Variants in RPS29 observed in about 807,000 individuals in gnomAD.
RPS29 encodes the protein ribosomal protein S29, also known as small ribosomal subunit protein uS14.
For synonymous variants in RPS29, 37 were observed against 26.9 expected, an observed-to-expected ratio of 1.37 and a Z score of -1.16; for missense variants, 60 against 75.7, an observed-to-expected ratio of 0.79 and a Z score of 0.77.
At chr14:49,589,540 T>C (rs764245770), upstream of RPS29, among the ~76,000 whole-genome samples, 2 of 152,242 alleles carry the variant, frequency 1.3e-5, no homozygotes, top group Non-Finnish European at 2.9e-5. Flanking sequence ...CCATCCAGAA[T>C]TTAATCATTT....
upstream of RPS29, among the ~76,000 whole-genome samples, chr14:49,589,458 T>C (rs759442886): frequency 3.3e-5 from 5 of 152,252 alleles, no homozygotes; most frequent in Non-Finnish European, 5.9e-5. Context: ...ATAATATGCA[T>C]GTTAGGACAC....
upstream of RPS29, among the ~76,000 whole-genome samples, chr14:49,587,177 T>A (rs1055327995): frequency 6.6e-6 from 1 of 152,112 alleles, no homozygotes; most frequent in Non-Finnish European, 1.5e-5. Flanking sequence ...CAAAAAAAAA[T>A]GAGATTCTTT....
chr14:49,580,692 T>C (rs113210296), downstream of RPS29, among the ~76,000 whole-genome samples: 91 of 151,506 alleles, frequency 6.0e-4, no homozygotes, highest in African/African-American at 2.2e-3. Context: ...GCCAACATGG[T>C]GAAACCCTGC....
rs768291783 is a variant in RPS29, at chr14:49,574,252, G to C, written c.*3560C>G. 2.6e-5 allele frequency: 4 copies of C among 152,098 alleles called. No individual in the cohort carries two copies. In the South Asian group the frequency reaches 6.2e-4, roughly 24 times the overall value. The allele number at this position is 152,098 out of a possible 1,614,324, so 9.4% of individuals were successfully genotyped here. ...GTCTACACGAGGGAGCTGTTTACAC[G>C]GTCAGCATAATTATTATTGGGTTGT... On this transcript the variant is annotated 3_prime_UTR_variant, in exon 3 of 3. Transcript: ENST00000396020.
chr14:49,598,197 G>C, intron 1 of RPS29: 2 of 556,588 alleles, frequency 3.6e-6, no homozygotes, highest in East Asian at 3.0e-5. Context: ...GGCGCCTAGA[G>C]CACAAATTTT....
exon 3 of RPS29, chr14:49,572,572 T>A (rs1329695000): frequency 1.3e-5 from 2 of 152,212 alleles, no homozygotes; most frequent in African/African-American, 2.4e-5. Flanking sequence ...AGCTTTTAAC[T>A]CAGTGGTGGA....
exon 1 of RPS29, chr14:49,598,648 C>T: frequency 1.4e-6 from 1 of 700,866 alleles, no homozygotes; most frequent in South Asian, 1.5e-5. Context: ...GCCCGCAACG[C>T]GTAAAGCGTC....
chr14:49,581,291 C>T (rs1881326802), downstream of RPS29, among the ~76,000 whole-genome samples: 1 of 152,338 alleles, frequency 6.6e-6, no homozygotes, highest in African/African-American at 2.4e-5. Context: ...CCCCTCCTCT[C>T]AGATAAAACT....
At chr14:49,593,079 C>CT (rs1186787771) in intron 1 of RPS29, among the ~76,000 whole-genome samples, 1 of 152,110 alleles carries the variant, frequency 6.6e-6, no homozygotes, top group African/African-American at 2.4e-5. Context: ...AGAAATTCAG[C>CT]TTTTTTCTCC....
At chr14:49,580,134 GCCATCACACTGGACCAGAGCCCAGC>G (rs1238190324), downstream of RPS29, among the ~76,000 whole-genome samples, 1 of 152,036 alleles carries the variant, frequency 6.6e-6, no homozygotes, top group African/African-American at 2.4e-5. Flanking sequence ...TTTATACCAG[GCCATCACACTGGACCAGAGCCCAGC>G]CCATCCAAGA....
intron 1 of RPS29, chr14:49,597,470 TTTTA>T (rs1881857389): frequency 6.6e-6 from 1 of 152,164 alleles, no homozygotes; most frequent in Non-Finnish European, 1.5e-5. Flanking sequence ...CAGGCTGGTG[TTTTA>T]TTATCTTTTC....
exon 3 of RPS29, chr14:49,571,671 ACTT>A (rs1049850822): frequency 2.7e-4 from 41 of 152,250 alleles, no homozygotes; most frequent in African/African-American, 8.2e-4. Context: ...CCCAATAAAA[ACTT>A]TAGATACCGA....
At chr14:49,596,929 T>C (rs1297287831) in intron 1 of RPS29, among the ~76,000 whole-genome samples, 1 of 150,100 alleles carries the variant, frequency 6.7e-6, no homozygotes, top group Non-Finnish European at 1.5e-5. Context: ...TTTTTTTTTT[T>C]TTTTTTTGAG....
intron 1 of RPS29, among the ~76,000 whole-genome samples, chr14:49,596,456 C>CT (rs1398858798): frequency 7.2e-5 from 11 of 152,082 alleles, no homozygotes; most frequent in Non-Finnish European, 1.5e-4. Flanking sequence ...ACAATCGATC[C>CT]ACTAAGACCA....
intron 1 of RPS29, 63 bp from the exon 2 acceptor site, chr14:49,586,112 G>C: frequency 1.2e-5 from 18 of 1,470,752 alleles, no homozygotes; most frequent in Non-Finnish European, 1.7e-5. Context: ...CACTCAGACG[G>C]CTACTACCCG....
upstream of RPS29, among the ~76,000 whole-genome samples, chr14:49,589,051 C>G (rs1019647084): frequency 6.6e-6 from 1 of 151,778 alleles, no homozygotes; most frequent in Non-Finnish European, 1.5e-5. Context: ...CCACCATGCC[C>G]GGCTAATTTC....
At chr14:49,572,886 T>C (rs1468032836) in exon 3 of RPS29, 1 of 152,048 alleles carries the variant, frequency 6.6e-6, no homozygotes, top group Admixed American at 6.6e-5. Flanking sequence ...CTGGGCAACA[T>C]GGCAAAAGTT....
chr14:49,574,469 C>T (rs139907166), exon 3 of RPS29: 3 of 152,138 alleles, frequency 2.0e-5, no homozygotes, highest in Non-Finnish European at 4.4e-5. Context: ...AAAATGTGTT[C>T]AGAGAGATCA....
At chr14:49,595,884 G>T (rs1227877250) in intron 1 of RPS29, among the ~76,000 whole-genome samples, 1 of 152,044 alleles carries the variant, frequency 6.6e-6, no homozygotes, top group African/African-American at 2.4e-5. Context: ...ATGGTGACAG[G>T]CACCTGTAAT....
Sources: allele counts gnomAD v4.1 joint callset (sites outside exome capture counted in the v4.1 genomes callset), GRCh38; gene constraint gnomAD v4.1.1; transcripts MANE v1.5; gene names NCBI Gene and HGNC (gene_info 2026-07-23, HGNC 2026-07-21).